Variants in ANKHD1 observed in about 807,000 individuals in gnomAD.
ANKHD1 encodes ankyrin repeat and KH domain containing 1.
Under a neutral mutation model 230.5 loss-of-function variants are expected in ANKHD1, and 31 were observed. The ratio of observed to expected loss-of-function variants is 0.13; its 90% CI spans 0.10 to 0.18. The LOEUF is 0.18. Ranked by LOEUF, ANKHD1 falls within the 10% of genes least tolerant of loss-of-function variation. ANKHD1 has a pLI of 1.00. For missense variants in ANKHD1, 2,256 were observed against 3,071.3 expected (o/e 0.73, Z 6.27); for synonymous variants, 1,074 against 1,117.6 (o/e 0.96, Z 0.78).
At chr5:140,471,387 G>A (rs928188531) in intron 10 of ANKHD1, among the ~76,000 whole-genome samples, 5 of 152,094 alleles carry the variant, frequency 3.3e-5, no homozygotes, top group East Asian at 1.9e-4. Context: ...CTTATTATTC[G>A]TATTTTAATG....
rs1195759045 is a variant in ANKHD1 at position 140,527,338 on chromosome 5, C to CT, written c.5087+271dup. 2 of 322,438 alleles carry CT rather than the reference C, an allele frequency of 6.2e-6. No homozygotes were observed. Among genetic ancestry groups the CT allele is most frequent in the Admixed American group, 4.9e-5 (1 of 20,292 alleles). The allele number at this position is 322,438 out of a possible 1,614,324, so 20.0% of individuals were successfully genotyped here. On this transcript the variant is annotated intron_variant, in intron 27 of 33. Coordinates refer to ENST00000360839, the MANE Select transcript of ANKHD1 (RefSeq NM_017747.3). This position sits in a 1 kb window ranked among gnomAD's most constrained non-coding sequence, Gnocchi z 4.5. ...GTTCAAATGTAAAGGCTTTCTCTTG[C>CT]TTTTTTTCTTTCTCATGTCTCAGTA...
intron 1 of ANKHD1, among the ~76,000 whole-genome samples, chr5:140,419,494 C>CT (rs1271336263): frequency 8.0e-5 from 11 of 138,054 alleles, no homozygotes; most frequent in Non-Finnish European, 1.4e-4. Flanking sequence ...TGGTCTCACT[C>CT]TGTCACCCAG....
chr5:140,513,267 T>C, intron 23 of ANKHD1, 96 bp from the exon 24 acceptor site: 1 of 1,269,480 alleles, frequency 7.9e-7, no homozygotes, highest in Non-Finnish European at 1.1e-6. Context: ...ACTTTTCAGT[T>C]TGAACTTTAA....
rs755860549 is a variant in ANKHD1 at position 140,438,558 on chromosome 5, T to G, written c.558T>G (p.Ala186=). Residue 186 remains alanine (A), a synonymous_variant, in exon 3 of 34, where the codon GCT becomes GCG. Coordinates refer to ENST00000360839, the MANE Select transcript of ANKHD1 (RefSeq NM_017747.3). The stretch of plus-strand genomic sequence containing the variant: ...CAGTTAGTTGTGCACTGGATGAAGC[T>G]GCTGCTGCACTGACACGGATGAAAG... ...TSSVSCALDE[A]AAALTRMKAE... 8 of 1,613,358 alleles carry G rather than the reference T, an allele frequency of 5.0e-6. No individual in the cohort carries two copies. Among genetic ancestry groups the G allele is most frequent in the Non-Finnish European group, 6.8e-6 (8 of 1,179,544 alleles).
At chr5:140,461,319 T>C (rs1051284127) in intron 9 of ANKHD1, among the ~76,000 whole-genome samples, 1 of 152,206 alleles carries the variant, frequency 6.6e-6, no homozygotes, top group African/African-American at 2.4e-5. Context: ...ATTTAGCTCC[T>C]TTTGCTTATT....
intron 1 of ANKHD1, among the ~76,000 whole-genome samples, chr5:140,434,023 A>G (rs1293154970): frequency 6.6e-6 from 1 of 152,196 alleles, no homozygotes; most frequent in African/African-American, 2.4e-5. Context: ...GTTACAGTAT[A>G]GCTCAATGTT....
At chr5:140,454,225 C>A (rs1324122736) in intron 7 of ANKHD1, among the ~76,000 whole-genome samples, 1 of 152,068 alleles carries the variant, frequency 6.6e-6, no homozygotes, top group East Asian at 1.9e-4. Context: ...TCCTTAGAGA[C>A]CTACAAAGAG....
At chr5:140,474,721 T>C (rs1423720072) in intron 10 of ANKHD1, among the ~76,000 whole-genome samples, 3 of 151,394 alleles carry the variant, frequency 2.0e-5, no homozygotes, top group Non-Finnish European at 4.4e-5. Flanking sequence ...CTCAGCCTCC[T>C]GAGTAGCTAG....
intron 24 of ANKHD1, among the ~76,000 whole-genome samples, chr5:140,520,688 C>A (rs1753297787): frequency 6.7e-6 from 1 of 148,960 alleles, no homozygotes; most frequent in Non-Finnish European, 1.5e-5. Flanking sequence ...AACAAAAAAC[C>A]AAACACCGCA....
At position 140,528,424 on chromosome 5, in the gene ANKHD1, G is replaced by A. The variant is rs767218822; in HGVS notation, c.5478G>A (p.Gln1826=). The A allele has an allele frequency of 2.5e-6, 4 of 1,614,102 alleles. No homozygotes were observed. In the East Asian group the frequency reaches 8.9e-5, roughly 36 times the overall value. The part of the protein sequence containing the change: ...TSQATTLSTF[Q]PANKLNKNVP... ...AGGCAACAACGTTATCTACGTTCCA[G>A]CCCGCTAATAAACTTAATAAGAATG... Residue 1826 remains glutamine (Q), a synonymous_variant, in exon 29 of 34, where the codon CAG becomes CAA. Coordinates refer to ENST00000360839, the MANE Select transcript of ANKHD1 (RefSeq NM_017747.3).
chr5:140,446,326 C>T (rs1774278011), intron 6 of ANKHD1, among the ~76,000 whole-genome samples: 1 of 152,102 alleles, frequency 6.6e-6, no homozygotes, highest in Non-Finnish European at 1.5e-5. Context: ...ACACACAATA[C>T]TGAAAACCTG....
Position 140,506,818 on chromosome 5 carries a change from C to T in ANKHD1, c.3409-17C>T, listed in dbSNP as rs1183787956. On this transcript the variant is annotated splice_polypyrimidine_tract_variant and intron_variant, in intron 18 of 33. Coordinates refer to ENST00000360839, the MANE Select transcript of ANKHD1 (RefSeq NM_017747.3). The surrounding 1 kb of genome is among the most constrained non-coding windows in gnomAD (Gnocchi z 4.7). ...CTTGGTGTAAACTCTCTTCTCTATC[C>T]ATATTTTACTTTGTAGGTGGTAGAC... The T allele has an allele frequency of 3.1e-6, 5 of 1,613,252 alleles. No individual in the cohort carries two copies. In the East Asian group the frequency reaches 6.7e-5, roughly 22 times the overall value.
rs1210425429 is a variant in ANKHD1 at position 140,445,991 on chromosome 5, A to G, written c.1147+16A>G. On this transcript the variant is annotated intron_variant, in intron 6 of 33. Coordinates refer to ENST00000360839, the MANE Select transcript of ANKHD1 (RefSeq NM_017747.3). ...TGCTACAAAGGTACTTAATACATGTATGAATATTTATAATGTTTTTCGTAA... is the reference window on the plus strand; with the variant it reads ...TGCTACAAAGGTACTTAATACATGTGTGAATATTTATAATGTTTTTCGTAA... 3.9e-6 allele frequency: 6 copies of G among 1,553,420 alleles called. No homozygotes were observed. The Admixed American group carries it at 1.1e-4, about 29-fold the overall frequency.
chr5:140,537,247 A>G (rs1183808098), intron 30 of ANKHD1, 142 bp from the exon 31 acceptor site: 5 of 1,377,292 alleles, frequency 3.6e-6, no homozygotes, highest in Non-Finnish European at 4.8e-6. Flanking sequence ...TACAGAACTT[A>G]TGTTGTGGAA....
chr5:140,443,929 ATCT>A lies in ANKHD1; in HGVS notation c.914-1806_914-1804del, dbSNP rs540344731. ...TAATTTCTGGAACCTAGGTCTCCCC[ATCT>A]TCTTCTGTGCTGAGGAACTTCTTGG... On this transcript the variant is annotated intron_variant, in intron 5 of 33. Transcript: ENST00000360839. Among the ~76,000 whole-genome samples the A allele has an allele frequency of 3.9e-3, 594 of 152,256 alleles. 1 individual carries two copies. Among genetic ancestry groups the A allele is most frequent in the Non-Finnish European group, 7.2e-3 (489 of 68,016 alleles).
chr5:140,434,199 A>G lies in ANKHD1; in HGVS notation c.307-1905A>G, dbSNP rs866945690. 1.2e-4 allele frequency among the ~76,000 whole-genome samples: 19 copies of G among 152,230 alleles called. 1 individual carries two copies. Among genetic ancestry groups the G allele is most frequent in the Middle Eastern group, 3.4e-3 (1 of 294 alleles). Reference sequence around the variant, plus strand: ...ATATGCCAAATAATGTAGTCCAGATACTGTGGTCCTTTTTTTTATAAATGT... The same window carrying G: ...ATATGCCAAATAATGTAGTCCAGATGCTGTGGTCCTTTTTTTTATAAATGT... On this transcript the variant is annotated intron_variant, in intron 1 of 33. Transcript: ENST00000360839.
At position 140,507,606 on chromosome 5, in the gene ANKHD1, C is replaced by T. The variant is rs924325157; in HGVS notation, c.3552-179C>T. Among the ~76,000 whole-genome samples, 8 of 152,186 alleles carry T rather than the reference C, an allele frequency of 5.3e-5. No homozygotes were observed. Among genetic ancestry groups the T allele is most frequent in the East Asian group, 1.9e-4 (1 of 5,200 alleles). ...ACAGGCATGAGCCACCATGTCTGGCCGGAAATTATGTTTTAAATTGTGACA... is the reference window on the plus strand; with the variant it reads ...ACAGGCATGAGCCACCATGTCTGGCTGGAAATTATGTTTTAAATTGTGACA... On this transcript the variant is annotated intron_variant, in intron 19 of 33. Coordinates refer to ENST00000360839, the MANE Select transcript of ANKHD1 (RefSeq NM_017747.3). This position sits in a 1 kb window ranked among gnomAD's most constrained non-coding sequence, Gnocchi z 4.1.
rs554321516 is a variant in ANKHD1 at position 140,437,451 on chromosome 5, C to T, written c.461-1010C>T. The stretch of plus-strand genomic sequence containing the variant: ...GGCGCCATGGCTCATGCCTGTAATC[C>T]CAGCACTTCGGGAGGCCGAGGCAGG... On this transcript the variant is annotated intron_variant, in intron 2 of 33. Coordinates refer to ENST00000360839, the MANE Select transcript of ANKHD1 (RefSeq NM_017747.3). Among the ~76,000 whole-genome samples, 6 of 152,320 alleles carry T rather than the reference C, an allele frequency of 3.9e-5. No homozygotes were observed. The East Asian group carries it at 1.2e-3, about 29-fold the overall frequency.
At chr5:140,459,584 G>A (rs72798880) in intron 9 of ANKHD1, among the ~76,000 whole-genome samples, 15 of 152,206 alleles carry the variant, frequency 9.9e-5, no homozygotes, top group South Asian at 2.1e-4. Context: ...GCATAGCAAG[G>A]TGACTACAGT....
Sources: allele counts gnomAD v4.1 joint callset (sites outside exome capture counted in the v4.1 genomes callset), GRCh38; gene constraint gnomAD v4.1.1; non-coding constraint Gnocchi (gnomAD v3.1); transcripts MANE v1.5; gene names NCBI Gene and HGNC (gene_info 2026-07-23, HGNC 2026-07-21).